SEC31B: variants seen among roughly 807,000 people sequenced by gnomAD.
The protein encoded by SEC31B is protein transport protein Sec31B.
SEC31B carries 113 observed loss-of-function variants against 135.0 expected under a neutral mutation model. That is an observed-to-expected ratio of 0.84 (90% CI 0.72 to 0.98). The LOEUF (loss-of-function observed/expected upper bound fraction) is 0.98, where lower values mean the gene tolerates loss of function less well. Among genes scored for constraint, SEC31B ranks in the 50% least tolerant of loss-of-function variants. The pLI, the probability that SEC31B is intolerant of heterozygous loss-of-function variation, is 0.00. For synonymous variants in SEC31B, 508 were observed against 549.4 expected (o/e 0.92, Z 1.05); for missense variants, 1,296 against 1,421.1 (o/e 0.91, Z 1.42).
At chr10:100,512,017 C>G (rs992735943) in intron 3 of SEC31B, among the ~76,000 whole-genome samples, 4 of 152,214 alleles carry the variant, frequency 2.6e-5, no homozygotes, top group African/African-American at 9.6e-5. Flanking sequence ...CTAACCCATG[C>G]TCTATTATCT....
chr10:100,487,349 G>A lies in SEC31B; in HGVS notation c.*267C>T. 2.2e-6 allele frequency: 1 copy of A among 450,784 alleles called. No homozygotes were observed. Among genetic ancestry groups the A allele is most frequent in the Admixed American group, 3.9e-5 (1 of 25,508 alleles). 27.9% of individuals were successfully genotyped at this position (450,784 alleles called of 1,614,324 possible). A position where few individuals can be genotyped will look rare whatever the true frequency, so the allele number is the denominator to read the frequency against. Reference sequence around the variant, plus strand: ...AGATATCCTGCCCCAGGTCCTTACAGAGTGTAGTATTAGGGAGAGTGAAGA... The same window carrying A: ...AGATATCCTGCCCCAGGTCCTTACAAAGTGTAGTATTAGGGAGAGTGAAGA... On this transcript the variant is annotated 3_prime_UTR_variant, in exon 26 of 26. Transcript: ENST00000370345.
intron 3 of SEC31B, among the ~76,000 whole-genome samples, chr10:100,512,723 A>G (rs189435701): frequency 1.5e-4 from 23 of 152,366 alleles, no homozygotes; most frequent in Non-Finnish European, 4.4e-5. Flanking sequence ...AGTTGATAAA[A>G]AAGAGATATA....
intron 23 of SEC31B, 39 bp from the exon 24 acceptor site, chr10:100,489,013 A>G (rs759198393): frequency 3.8e-6 from 6 of 1,567,690 alleles, no homozygotes; most frequent in Non-Finnish European, 5.2e-6. Context: ...CAGAGGGGCA[A>G]GCTGTCCTTC....
At chr10:100,519,008 T>C (rs962184770) in intron 1 of SEC31B, among the ~76,000 whole-genome samples, 6 of 152,244 alleles carry the variant, frequency 3.9e-5, no homozygotes, top group Non-Finnish European at 7.3e-5. Context: ...TAAGCAGCTG[T>C]GCATTTGATG....
intron 1 of SEC31B, among the ~76,000 whole-genome samples, chr10:100,518,602 T>G (rs1851890494): frequency 6.6e-6 from 1 of 152,228 alleles, no homozygotes; most frequent in Non-Finnish European, 1.5e-5. Flanking sequence ...CCATTTTAAC[T>G]CTGTGGTTTC....
At chr10:100,495,201 C>A (rs568281707) in intron 19 of SEC31B, 184 bp downstream of exon 19, 1 of 629,934 alleles carries the variant, frequency 1.6e-6, no homozygotes, top group Non-Finnish European at 2.8e-6. Context: ...ACAATTTTTG[C>A]ACCTTTATGT....
chr10:100,493,726 C>T (rs969360288), intron 19 of SEC31B, among the ~76,000 whole-genome samples: 1 of 152,156 alleles, frequency 6.6e-6, no homozygotes, highest in Non-Finnish European at 1.5e-5. Flanking sequence ...TGCATAAACA[C>T]ACATAAACAC....
intron 19 of SEC31B, among the ~76,000 whole-genome samples, 157 bp from the exon 20 acceptor site, chr10:100,491,040 AAAGC>A (rs1851292083): frequency 6.6e-6 from 1 of 152,228 alleles, no homozygotes; most frequent in African/African-American, 2.4e-5. Flanking sequence ...ATAAAGATAA[AAAGC>A]AAGAAGATAT....
At chr10:100,505,301 CACACACACACACACACACACACACAA>C (rs1851605833) in intron 10 of SEC31B, 34 bp downstream of exon 10, 1 of 232,386 alleles carries the variant, frequency 4.3e-6, no homozygotes, top group Admixed American at 6.5e-5. Context: ...GCTTCACAAA[CACACACACACACACACACACACACAA>C]ACACACACAC....
At position 100,496,450 on chromosome 10, in the gene SEC31B, G is replaced by A. The variant is rs780204798; in HGVS notation, c.2137-19C>T. On this transcript the variant is annotated intron_variant, in intron 17 of 25. Transcript: ENST00000370345. ...TCAGGTCCTGTAAGGGCAAGGATGA[G>A]GGTGGTAAGCCTTCAATGAGGCATA... 22 of 1,613,264 alleles carry A rather than the reference G, an allele frequency of 1.4e-5. No homozygotes were observed. The highest frequency in any genetic ancestry group is 1.7e-5 in the Non-Finnish European group (20 of 1,179,568).
At chr10:100,506,548 A>G in intron 7 of SEC31B, 128 bp from the exon 8 acceptor site, 1 of 734,944 alleles carries the variant, frequency 1.4e-6, no homozygotes, top group Non-Finnish European at 2.2e-6. Context: ...GCATGGTCTG[A>G]TATTATCTTA....
intron 19 of SEC31B, 82 bp from the exon 20 acceptor site, chr10:100,490,965 T>C: frequency 9.7e-7 from 1 of 1,034,892 alleles, no homozygotes; most frequent in East Asian, 2.9e-5. Flanking sequence ...TAGGGAAAAT[T>C]AATGAAACAA....
rs543284646 is a variant in SEC31B, at chr10:100,490,017, G to C, written c.2956C>G (p.Pro986Ala). ...SVLPTTGILT[P>A]HPGPQDSWKE... Reference sequence around the variant, plus strand: ...TGGAAGGAAGACTGACCTGGGTGAGGAGTCAAGATGCCAGTGGTTGGGAGG... The same window carrying C: ...TGGAAGGAAGACTGACCTGGGTGAGCAGTCAAGATGCCAGTGGTTGGGAGG... Residue 986 changes from proline to alanine, a missense_variant, in exon 21 of 26, where the codon CCT becomes GCT. Coordinates refer to ENST00000370345, the MANE Select transcript of SEC31B (RefSeq NM_015490.4). 1.3e-6 allele frequency: 2 copies of C among 1,542,570 alleles called. No individual in the cohort carries two copies. The highest frequency in any genetic ancestry group is 8.7e-7 in the Non-Finnish European group (1 of 1,149,798).
At position 100,498,176 on chromosome 10, in the gene SEC31B, C is replaced by G. The variant is rs766693241; in HGVS notation, c.1716G>C (p.Leu572=). Residue 572 remains leucine, a synonymous_variant, in exon 15 of 26, where the codon CTG becomes CTC. Transcript: ENST00000370345. ...CCACGGCCGGACCCAGTTCCCCAAGCAGGAGAGCCTGGCTTAGGAGTCCAT... is the reference window on the plus strand; with the variant it reads ...CCACGGCCGGACCCAGTTCCCCAAGGAGGAGAGCCTGGCTTAGGAGTCCAT... The part of the protein sequence containing the change: ...DIDGLLSQAL[L]LGELGPAVEL... The G allele has an allele frequency of 5.0e-6, 8 of 1,614,088 alleles. No homozygotes were observed. Among genetic ancestry groups the G allele is most frequent in the Admixed American group, 3.3e-5 (2 of 60,008 alleles).
intron 18 of SEC31B, 104 bp downstream of exon 18, chr10:100,496,154 C>G (rs993585127): frequency 8.0e-7 from 1 of 1,245,530 alleles, no homozygotes; most frequent in Non-Finnish European, 1.1e-6. Flanking sequence ...TCTTATCTAT[C>G]CTAGGAGCTT....
At chr10:100,493,109 C>CA (rs1335159144) in intron 19 of SEC31B, among the ~76,000 whole-genome samples, 1 of 152,200 alleles carries the variant, frequency 6.6e-6, no homozygotes, top group African/African-American at 2.4e-5. Context: ...CGCGGTGGCT[C>CA]ATGCCTATAA....
At chr10:100,498,258 C>T (rs747207000) in intron 14 of SEC31B, 51 bp from the exon 15 acceptor site, 3 of 1,587,372 alleles carry the variant, frequency 1.9e-6, no homozygotes, top group African/African-American at 1.3e-5. Flanking sequence ...ACCCCAACTT[C>T]CTGCCCCCTG....
intron 9 of SEC31B, chr10:100,505,753 T>TA: frequency 7.1e-7 from 1 of 1,411,778 alleles, no homozygotes; most frequent in Middle Eastern, 2.6e-4. Context: ...GAGAGAAAGA[T>TA]AAGAGTCATA....
chr10:100,512,398 T>C (rs1257360798), intron 3 of SEC31B, among the ~76,000 whole-genome samples: 25 of 152,154 alleles, frequency 1.6e-4, no homozygotes, highest in Admixed American at 1.6e-3. Context: ...TCTTTTTGAG[T>C]GAAATTCATC....
Sources: allele counts gnomAD v4.1 joint callset (sites outside exome capture counted in the v4.1 genomes callset), GRCh38; gene constraint gnomAD v4.1.1; transcripts MANE v1.5; gene names NCBI Gene and HGNC (gene_info 2026-07-23, HGNC 2026-07-21).